The following WDFY3 variants were observed in gnomAD, a reference collection of about 807,000 sequenced individuals.
The protein encoded by WDFY3 is WD repeat and FYVE domain containing 3.
Under a neutral mutation model 409.6 loss-of-function variants are expected in WDFY3, and 66 were observed. The observed-to-expected ratio is 0.16, with a 90% CI of 0.13 to 0.20. The LOEUF is 0.20. WDFY3 is among the 10% of genes least tolerant of loss of function. The probability of loss-of-function intolerance (pLI) is 1.00; values close to 1 mark genes in which losing one functional copy is unlikely to be tolerated. For missense variants in WDFY3, 3,031 were observed against 4,298.1 expected, an observed-to-expected ratio of 0.71 and a Z score of 8.24; for synonymous variants, 1,521 against 1,537.1, an observed-to-expected ratio of 0.99 and a Z score of 0.25.
chr4:84,867,293 C>CA (rs1761520015), intron 3 of WDFY3, among the ~76,000 whole-genome samples: 2 of 151,908 alleles, frequency 1.3e-5, no homozygotes, highest in South Asian at 4.2e-4. Context: ...CAAAATGACA[C>CA]AAAAAATTAA....
intron 4 of WDFY3, 39 bp downstream of exon 4, chr4:84,860,373 C>T (rs752549902): frequency 6.4e-6 from 10 of 1,565,942 alleles, no homozygotes; most frequent in Non-Finnish European, 8.7e-6. Context: ...GTAGTGCCCC[C>T]CAGTCCCGGA....
rs1743541798 is a variant in WDFY3 at position 84,765,872 on chromosome 4, C to T, written c.5126G>A (p.Ser1709Asn). The change falls in exon 32 of 68, where the codon AGT becomes AAT. Residue 1709 changes from serine to asparagine, a missense_variant. Ser to Asn is a conservative substitution (Grantham distance 46). Coordinates refer to ENST00000295888, the MANE Select transcript of WDFY3 (RefSeq NM_014991.6). ...TGTCTGTTCAAGCCATCCTCCACCA[C>T]TGAGTCCTTCTTTAAACTTGATGAG... ...SILIKFKEGL[S>N]GGGWLEQTDS... is the part of the protein sequence containing the mutation. The T allele has an allele frequency of 6.2e-7, 1 of 1,613,804 alleles. No homozygotes were observed.
At chr4:84,907,942 G>A (rs1242316398) in intron 2 of WDFY3, among the ~76,000 whole-genome samples, 1 of 152,158 alleles carries the variant, frequency 6.6e-6, no homozygotes, top group Non-Finnish European at 1.5e-5. Flanking sequence ...AAGAGGAGGA[G>A]GAGGAGAAGC....
At chr4:84,849,275 C>G (rs1238719915) in intron 5 of WDFY3, among the ~76,000 whole-genome samples, 1 of 151,958 alleles carries the variant, frequency 6.6e-6, no homozygotes, top group African/African-American at 2.4e-5. Flanking sequence ...TTATGGTCTA[C>G]TGGGAAGATC....
chr4:84,782,234 A>G (rs1746652973), intron 25 of WDFY3, among the ~76,000 whole-genome samples: 1 of 152,238 alleles, frequency 6.6e-6, no homozygotes. Context: ...CATGAGCTAT[A>G]TACCAAATCA....
At chr4:84,918,757 T>C (rs1768842693) in intron 2 of WDFY3, among the ~76,000 whole-genome samples, 1 of 151,660 alleles carries the variant, frequency 6.6e-6, no homozygotes, top group South Asian at 2.1e-4. Context: ...TTCACATATG[T>C]ATATCCATGT....
chr4:84,801,950 AT>A (rs202037676), intron 16 of WDFY3, 86 bp from the exon 17 acceptor site: 104,119 of 988,318 alleles, frequency 0.11, no homozygotes, highest in South Asian at 0.14. Flanking sequence ...TACCTTTTTA[AT>A]TTTTTTTTTT....
chr4:84,891,591 T>C (rs2150514926), intron 3 of WDFY3, among the ~76,000 whole-genome samples: 1 of 152,200 alleles, frequency 6.6e-6, no homozygotes, highest in Non-Finnish European at 1.5e-5. Flanking sequence ...CCATGATAAA[T>C]ATAAGAAAAT....
chr4:84,928,687 C>T (rs1239805922), intron 2 of WDFY3, among the ~76,000 whole-genome samples: 1 of 151,974 alleles, frequency 6.6e-6, no homozygotes, highest in Admixed American at 6.6e-5. Context: ...TTTATAATAC[C>T]TTAGTTGTTG....
At chr4:84,749,615 T>G (rs1472747459) in intron 36 of WDFY3, among the ~76,000 whole-genome samples, 1 of 152,198 alleles carries the variant, frequency 6.6e-6, no homozygotes, top group Non-Finnish European at 1.5e-5. Flanking sequence ...TTACACATCA[T>G]TTTGCTTAAA....
At chr4:84,785,950 A>C in intron 24 of WDFY3, 29 bp downstream of exon 24, 5 of 1,612,408 alleles carry the variant, frequency 3.1e-6, no homozygotes, top group Non-Finnish European at 4.2e-6. Context: ...AGAATCAGCC[A>C]TAGTACACCA....
intron 8 of WDFY3, among the ~76,000 whole-genome samples, chr4:84,829,539 A>C (rs2149903089): frequency 6.6e-6 from 1 of 152,276 alleles, no homozygotes; most frequent in South Asian, 2.1e-4. Context: ...GAAAAAAGCA[A>C]AAAAACTATC....
intron 1 of WDFY3, among the ~76,000 whole-genome samples, chr4:84,951,908 G>C (rs1399144991): frequency 6.6e-6 from 1 of 152,174 alleles, no homozygotes; most frequent in African/African-American, 2.4e-5. Flanking sequence ...GCAAGCCACA[G>C]TCAAAAAGTA....
At chr4:84,701,177 T>C (rs1016341256) in intron 56 of WDFY3, among the ~76,000 whole-genome samples, 10 of 152,246 alleles carry the variant, frequency 6.6e-5, no homozygotes, top group African/African-American at 1.9e-4. Context: ...ATTGTTCTCG[T>C]TGACTATTCT....
chr4:84,877,660 C>T (rs1762963261), intron 3 of WDFY3, among the ~76,000 whole-genome samples: 1 of 152,190 alleles, frequency 6.6e-6, no homozygotes, highest in Admixed American at 6.5e-5. Context: ...CCATAGCATC[C>T]TGTGTACATC....
intron 3 of WDFY3, among the ~76,000 whole-genome samples, chr4:84,864,015 T>C (rs1398028674): frequency 6.6e-6 from 1 of 152,298 alleles, no homozygotes; most frequent in South Asian, 2.1e-4. Context: ...CTATGACTAT[T>C]TGGGTTCTTT....
chr4:84,690,027 A>C (rs1230207664), intron 61 of WDFY3, among the ~76,000 whole-genome samples: 2 of 152,252 alleles, frequency 1.3e-5, no homozygotes, highest in East Asian at 3.8e-4. Flanking sequence ...ATAGACAATC[A>C]GAAATACTCG....
At chr4:84,933,939 G>C (rs1219958979) in intron 1 of WDFY3, among the ~76,000 whole-genome samples, 1 of 152,014 alleles carries the variant, frequency 6.6e-6, no homozygotes, top group Admixed American at 6.6e-5. Flanking sequence ...TAGACACTTA[G>C]TTTGCATCCG....
In WDFY3 at chr4:84,831,571, G is replaced by A. The variant is rs758187730; in HGVS notation, c.611C>T (p.Ala204Val). 16 of 1,613,378 alleles carry A rather than the reference G, an allele frequency of 9.9e-6. No homozygotes were observed. The highest frequency in any genetic ancestry group is 8.3e-5 in the Admixed American group (5 of 59,916). ...LVKLCSFVSP[A>V]EELAQKDDLQ... Reference sequence around the variant, plus strand: ...ATCATCTTTCTGAGCCAGCTCCTCCGCAGGGGAAACAAAACTGCACAGTTT... The same window carrying A: ...ATCATCTTTCTGAGCCAGCTCCTCCACAGGGGAAACAAAACTGCACAGTTT... The change falls in exon 8 of 68, where the codon GCG (alanine) becomes GTG (valine). Residue 204 changes from alanine to valine, a missense_variant. Transcript: ENST00000295888.
Sources: gnomAD v4.1 joint callset for allele counts (sites outside exome capture counted in the v4.1 genomes callset) on GRCh38, gnomAD v4.1.1 for gene constraint, MANE v1.5 for transcripts, NCBI Gene and HGNC (gene_info 2026-07-23, HGNC 2026-07-21) for gene names.